PDZRN3: variants seen among roughly 807,000 people sequenced by gnomAD.
PDZRN3 encodes the protein PDZ domain containing ring finger 3, also known as E3 ubiquitin-protein ligase PDZRN3.
Under a neutral mutation model 85.7 loss-of-function variants are expected in PDZRN3, and 38 were observed. That is an observed-to-expected ratio of 0.44 (90% confidence interval 0.34 to 0.58). The LOEUF (loss-of-function observed/expected upper bound fraction) is 0.58, where lower values mean the gene tolerates loss of function less well. Ranked by LOEUF, PDZRN3 falls within the 20% of genes least tolerant of loss-of-function variation. The probability of loss-of-function intolerance (pLI) is 0.01; values close to 1 mark genes in which losing one functional copy is unlikely to be tolerated. For missense variants in PDZRN3, 1,629 were observed against 1,506.4 expected (o/e 1.08, Z -1.35); for synonymous variants, 759 against 638.0 (o/e 1.19, Z -2.86).
At chr3:73,432,650 T>C (rs1702455559) in intron 3 of PDZRN3, among the ~76,000 whole-genome samples, 1 of 152,146 alleles carries the variant, frequency 6.6e-6, no homozygotes, top group African/African-American at 2.4e-5. Context: ...AAGCAAAAAA[T>C]GACACTCAAA....
intron 3 of PDZRN3, among the ~76,000 whole-genome samples, chr3:73,439,642 A>T (rs976925184): frequency 3.9e-5 from 6 of 152,252 alleles, no homozygotes; most frequent in African/African-American, 1.4e-4. Flanking sequence ...AAAAAATGTC[A>T]AAGTAAAAAA....
chr3:73,479,203 C>G (rs1005866142), intron 3 of PDZRN3, among the ~76,000 whole-genome samples: 3 of 152,034 alleles, frequency 2.0e-5, no homozygotes, highest in Non-Finnish European at 4.4e-5. Context: ...TCAGAATAAC[C>G]CAGCAACTTC....
chr3:73,586,007 C>G lies in PDZRN3; in HGVS notation c.918+16347G>C, dbSNP rs1292243740. Among the ~76,000 whole-genome samples, 5 of 152,122 alleles carry G rather than the reference C, an allele frequency of 3.3e-5. 1 individual carries two copies. Among genetic ancestry groups the G allele is most frequent in the Admixed American group, 1.3e-4 (2 of 15,274 alleles). On this transcript the variant is annotated intron_variant, in intron 3 of 9. Coordinates refer to ENST00000263666, the MANE Select transcript of PDZRN3 (RefSeq NM_015009.3). Reference sequence around the variant, plus strand: ...TAAACAGGACTAAGAAAAAGGTTTACTTGAAATACAAATACTGGAATTCAT... The same window carrying G: ...TAAACAGGACTAAGAAAAAGGTTTAGTTGAAATACAAATACTGGAATTCAT...
intron 3 of PDZRN3, among the ~76,000 whole-genome samples, chr3:73,482,056 T>A (rs1703572593): frequency 6.6e-6 from 1 of 152,184 alleles, no homozygotes; most frequent in African/African-American, 2.4e-5. Context: ...TGACAGTGGC[T>A]GCCTGGAGTG....
chr3:73,462,579 G>A (rs957919683), intron 3 of PDZRN3, among the ~76,000 whole-genome samples: 2 of 149,902 alleles, frequency 1.3e-5, no homozygotes, highest in African/African-American at 2.4e-5. Flanking sequence ...GATTCCATTT[G>A]GGTCTAGAAT....
At chr3:73,412,469 A>T (rs1050314302) in intron 3 of PDZRN3, among the ~76,000 whole-genome samples, 2 of 152,170 alleles carry the variant, frequency 1.3e-5, no homozygotes, top group Non-Finnish European at 2.9e-5. Context: ...GGTGTTTTCT[A>T]TTTTGTGTCA....
At chr3:73,547,303 T>G (rs533852250) in intron 3 of PDZRN3, among the ~76,000 whole-genome samples, 7 of 152,332 alleles carry the variant, frequency 4.6e-5, no homozygotes, top group Non-Finnish European at 8.8e-5. Context: ...TATAAGCCTT[T>G]CTTGATGAAG....
chr3:73,585,968 C>G (rs1288565935), intron 3 of PDZRN3, among the ~76,000 whole-genome samples: 1 of 152,136 alleles, frequency 6.6e-6, no homozygotes, highest in Non-Finnish European at 1.5e-5. Flanking sequence ...ACACAATTTC[C>G]TAAGTCTTAT....
At chr3:73,540,707 C>G (rs1178005769) in intron 3 of PDZRN3, among the ~76,000 whole-genome samples, 1 of 152,156 alleles carries the variant, frequency 6.6e-6, no homozygotes, top group African/African-American at 2.4e-5. Context: ...CCTGAGGCCT[C>G]CCCAGCCATG....
chr3:73,449,629 T>C (rs772928822), intron 3 of PDZRN3, among the ~76,000 whole-genome samples: 2 of 152,238 alleles, frequency 1.3e-5, no homozygotes, highest in Admixed American at 6.5e-5. Flanking sequence ...ACAACGCGTG[T>C]AAAATTACAT....
At chr3:73,435,129 A>G (rs1013251410) in intron 3 of PDZRN3, among the ~76,000 whole-genome samples, 3 of 152,170 alleles carry the variant, frequency 2.0e-5, no homozygotes, top group African/African-American at 7.2e-5. Flanking sequence ...TCCCTTTCTC[A>G]GGGAGCCGAG....
chr3:73,620,872 G>A (rs893953667), intron 1 of PDZRN3, among the ~76,000 whole-genome samples: 10 of 151,880 alleles, frequency 6.6e-5, no homozygotes, highest in African/African-American at 1.9e-4. Context: ...CACTGAGCCC[G>A]GCCTAGGCAG....
chr3:73,454,016 C>T (rs975595287), intron 3 of PDZRN3, among the ~76,000 whole-genome samples: 22 of 152,102 alleles, frequency 1.4e-4, no homozygotes, highest in South Asian at 4.1e-4. Context: ...AATATTTTCA[C>T]GACAGAGAGT....
At position 73,596,442 on chromosome 3, in the gene PDZRN3, C is replaced by A. The variant is rs72893812; in HGVS notation, c.918+5912G>T. ...TACATAGCCTCAAAGCATCTACCTACAGGATAACTATTGATTATAAAGAAG... is the reference window on the plus strand; with the variant it reads ...TACATAGCCTCAAAGCATCTACCTAAAGGATAACTATTGATTATAAAGAAG... On this transcript the variant is annotated intron_variant, in intron 3 of 9. Coordinates refer to ENST00000263666, the MANE Select transcript of PDZRN3 (RefSeq NM_015009.3). 8.3e-3 allele frequency among the ~76,000 whole-genome samples: 1,269 copies of A among 152,204 alleles called. 22 individuals are homozygous for A. The highest frequency in any genetic ancestry group is 0.029 in the African/African-American group (1,192 of 41,520).
chr3:73,403,238 G>A (rs535265946), intron 4 of PDZRN3, among the ~76,000 whole-genome samples: 4 of 152,268 alleles, frequency 2.6e-5, no homozygotes, highest in African/African-American at 7.2e-5. Flanking sequence ...GAGCCACCAC[G>A]CCTGGCCTTG....
intron 1 of PDZRN3, among the ~76,000 whole-genome samples, chr3:73,614,854 C>G (rs1702737192): frequency 1.3e-5 from 2 of 152,144 alleles, no homozygotes; most frequent in Admixed American, 1.3e-4. Flanking sequence ...AATGGTGAAG[C>G]AGTTTGGACC....
intron 3 of PDZRN3, among the ~76,000 whole-genome samples, chr3:73,601,441 G>A (rs745978531): frequency 5.3e-5 from 8 of 152,234 alleles, no homozygotes; most frequent in Admixed American, 1.3e-4. Context: ...ACTATATTAC[G>A]GCTGTGGCCC....
chr3:73,569,092 A>C (rs1702001791), intron 3 of PDZRN3: 9 of 1,066,864 alleles, frequency 8.4e-6, no homozygotes, highest in Non-Finnish European at 1.1e-5. Context: ...CTGCAGCTGA[A>C]CTTTGAACCC....
intron 3 of PDZRN3, among the ~76,000 whole-genome samples, chr3:73,490,299 C>T (rs1017042071): frequency 6.6e-6 from 1 of 152,182 alleles, no homozygotes; most frequent in African/African-American, 2.4e-5. Flanking sequence ...TGGAGACCAA[C>T]TCTCACTGCT....
Sources: gnomAD v4.1 joint callset for allele counts (sites outside exome capture counted in the v4.1 genomes callset) on GRCh38, gnomAD v4.1.1 for gene constraint, MANE v1.5 for transcripts, NCBI Gene and HGNC (gene_info 2026-07-23, HGNC 2026-07-21) for gene names.